The following BMPR1B variants were observed in gnomAD, a reference collection of about 807,000 sequenced individuals.
The protein encoded by BMPR1B is bone morphogenetic protein receptor type 1B.
BMPR1B carries 12 observed loss-of-function variants against 59.1 expected under a neutral mutation model. That is an observed-to-expected ratio of 0.20 (90% CI 0.13 to 0.33). The LOEUF (loss-of-function observed/expected upper bound fraction) is 0.33, where lower values mean the gene tolerates loss of function less well. Among genes scored for constraint, BMPR1B ranks in the 10% least tolerant of loss-of-function variants. The pLI is 1.00. For synonymous variants in BMPR1B, 237 were observed against 207.3 expected, an observed-to-expected ratio of 1.14 and a Z score of -1.23; for missense variants, 550 against 610.9, an observed-to-expected ratio of 0.90 and a Z score of 1.05.
chr4:94,835,294 C>T (rs993277407), intron 1 of BMPR1B, among the ~76,000 whole-genome samples: 7 of 152,082 alleles, frequency 4.6e-5, no homozygotes, highest in Non-Finnish European at 7.4e-5. Flanking sequence ...CTTAGCCTTC[C>T]GAGTAGCTGG....
At chr4:95,143,650 C>G (rs1046148014) in intron 10 of BMPR1B, among the ~76,000 whole-genome samples, 1 of 152,228 alleles carries the variant, frequency 6.6e-6, no homozygotes, top group Non-Finnish European at 1.5e-5. Flanking sequence ...CACTGTCATT[C>G]AAGTGACTTT....
At position 95,103,976 on chromosome 4, in the gene BMPR1B, A is replaced by G. The variant is rs185391708; in HGVS notation, c.-17-432A>G. On this transcript the variant is annotated intron_variant, in intron 3 of 12. Transcript: ENST00000515059. ...GGTAGATAGACAGTTTTAAAGCTGA[A>G]ACAATTTGAGTTTAAATGCTGGGTC... Among the ~76,000 whole-genome samples the G allele has an allele frequency of 2.0e-5, 3 of 152,214 alleles. No homozygotes were observed. In the East Asian group the frequency reaches 5.8e-4, roughly 29 times the overall value.
At chr4:94,998,827 A>G (rs1722248065) in intron 3 of BMPR1B, among the ~76,000 whole-genome samples, 1 of 152,086 alleles carries the variant, frequency 6.6e-6, no homozygotes, top group Non-Finnish European at 1.5e-5. Flanking sequence ...TTTGTTCTAT[A>G]TTAATCTTCT....
chr4:94,837,322 T>C (rs1331736602), intron 1 of BMPR1B, among the ~76,000 whole-genome samples: 1 of 149,088 alleles, frequency 6.7e-6, no homozygotes, highest in Non-Finnish European at 1.5e-5. Flanking sequence ...TTGATGAGGA[T>C]GGCACTGAAT....
chr4:94,931,312 G>T (rs1729084232), intron 2 of BMPR1B, among the ~76,000 whole-genome samples: 1 of 152,060 alleles, frequency 6.6e-6, no homozygotes, highest in Non-Finnish European at 1.5e-5. Context: ...AAAAAATTTA[G>T]TGACTCCTTT....
Position 95,158,197 on chromosome 4 carries a change from C to T in BMPR1B, c.*3524C>T, listed in dbSNP as rs947000909. 6 of 152,080 alleles carry T rather than the reference C, an allele frequency of 3.9e-5. No homozygotes were observed. Among genetic ancestry groups the T allele is most frequent in the African/African-American group, 1.2e-4 (5 of 41,394 alleles). The allele number at this position is 152,080 out of a possible 1,614,324, so 9.4% of individuals were successfully genotyped here. A position where few individuals can be genotyped will look rare whatever the true frequency, so the allele number is the denominator to read the frequency against. On this transcript the variant is annotated 3_prime_UTR_variant, in exon 13 of 13. Transcript: ENST00000515059. Reference sequence around the variant, plus strand: ...ACTTAATTTAGCAATTGTGATTCCTCTTGTAAAACAAAACAAAAAAACAAT... The same window carrying T: ...ACTTAATTTAGCAATTGTGATTCCTTTTGTAAAACAAAACAAAAAAACAAT...
chr4:95,072,991 T>C (rs1325507119), intron 3 of BMPR1B, among the ~76,000 whole-genome samples: 2 of 152,200 alleles, frequency 1.3e-5, no homozygotes, highest in Non-Finnish European at 2.9e-5. Flanking sequence ...TGCTTTTGGT[T>C]GCATGATAGT....
chr4:94,862,101 T>TAAA (rs565580056), intron 1 of BMPR1B, among the ~76,000 whole-genome samples: 11 of 144,182 alleles, frequency 7.6e-5, no homozygotes, highest in African/African-American at 2.5e-4. Context: ...GAAAAGCCTT[T>TAAA]AAAAAAAAAA....
At chr4:94,934,457 T>TTTTTG (rs1224714697) in intron 2 of BMPR1B, among the ~76,000 whole-genome samples, 1 of 148,848 alleles carries the variant, frequency 6.7e-6, no homozygotes, top group African/African-American at 2.5e-5. Flanking sequence ...GCTATGGTTT[T>TTTTTG]TTTTTTTTTT....
chr4:94,870,820 C>T lies in BMPR1B; in HGVS notation c.-182-5011C>T, dbSNP rs1347656228. On this transcript the variant is annotated intron_variant, in intron 1 of 12. Transcript: ENST00000515059. ...CAAAGATGTTACAAAGAAGGGTACC[C>T]TGCCTCAGAGTTTGGAGTTTCCCAC... Among the ~76,000 whole-genome samples the T allele has an allele frequency of 2.6e-5, 4 of 152,124 alleles. No homozygotes were observed. The East Asian group carries it at 7.7e-4, about 29-fold the overall frequency.
chr4:95,135,284 G>A (rs2149307238), intron 10 of BMPR1B, among the ~76,000 whole-genome samples: 1 of 152,290 alleles, frequency 6.6e-6, no homozygotes, highest in South Asian at 2.1e-4. Flanking sequence ...ATAGTTTGAA[G>A]TCAGGTAGTG....
intron 2 of BMPR1B, among the ~76,000 whole-genome samples, chr4:94,946,845 G>A (rs1284755331): frequency 6.6e-6 from 1 of 152,124 alleles, no homozygotes; most frequent in Admixed American, 6.5e-5. Context: ...GAGCTCAGGA[G>A]TTTGAGACCA....
intron 1 of BMPR1B, among the ~76,000 whole-genome samples, chr4:94,767,400 G>A (rs1462335350): frequency 6.6e-6 from 1 of 152,136 alleles, no homozygotes; most frequent in African/African-American, 2.4e-5. Flanking sequence ...AGGACATAAT[G>A]TAAACAAACA....
At chr4:94,810,734 T>C (rs1409590048) in intron 1 of BMPR1B, among the ~76,000 whole-genome samples, 1 of 152,214 alleles carries the variant, frequency 6.6e-6, no homozygotes, top group African/African-American at 2.4e-5. Flanking sequence ...AGAGAAGAAA[T>C]AAGCCAAGTA....
At chr4:94,944,676 T>C (rs1377918793) in intron 2 of BMPR1B, among the ~76,000 whole-genome samples, 1 of 152,234 alleles carries the variant, frequency 6.6e-6, no homozygotes, top group African/African-American at 2.4e-5. Flanking sequence ...TTAGTTCTAG[T>C]GGTAAGTGAA....
intron 6 of BMPR1B, among the ~76,000 whole-genome samples, chr4:95,121,045 T>C (rs1204162423): frequency 3.9e-5 from 6 of 152,022 alleles, no homozygotes; most frequent in Non-Finnish European, 5.9e-5. Context: ...TGAACTCAGG[T>C]GATCCGCCCA....
chr4:94,977,749 C>T (rs1731085542), intron 2 of BMPR1B, among the ~76,000 whole-genome samples: 1 of 152,082 alleles, frequency 6.6e-6, no homozygotes, highest in Admixed American at 6.6e-5. Context: ...CCCAGCTAGT[C>T]AGAAGGCTGA....
chr4:94,862,811 T>A (rs565946204), intron 1 of BMPR1B, among the ~76,000 whole-genome samples: 3 of 151,764 alleles, frequency 2.0e-5, no homozygotes, highest in Non-Finnish European at 2.9e-5. Flanking sequence ...CGGGCGTGGT[T>A]GCGGGCACCT....
At chr4:94,781,381 T>C (rs1722584675) in intron 1 of BMPR1B, among the ~76,000 whole-genome samples, 1 of 152,178 alleles carries the variant, frequency 6.6e-6, no homozygotes, top group African/African-American at 2.4e-5. Context: ...TTTGGTATCA[T>C]ATTAACCATT....
Sources: allele counts gnomAD v4.1 joint callset (sites outside exome capture counted in the v4.1 genomes callset), GRCh38; gene constraint gnomAD v4.1.1; transcripts MANE v1.5; gene names NCBI Gene and HGNC (gene_info 2026-07-23, HGNC 2026-07-21).